Variants in PSMD9 observed in about 807,000 individuals in gnomAD.
PSMD9 encodes the protein 26S proteasome non-ATPase regulatory subunit 9.
PSMD9 carries 26 observed loss-of-function variants against 25.9 expected under a neutral mutation model. The observed-to-expected ratio is 1.00, with a 90% CI of 0.73 to 1.39. PSMD9 has a LOEUF of 1.39. Ranked by LOEUF, PSMD9 falls within the 40% of genes most tolerant of loss-of-function variation. PSMD9 has a pLI of 0.00. For synonymous variants in PSMD9, 110 were observed against 114.5 expected, an observed-to-expected ratio of 0.96 and a Z score of 0.25; for missense variants, 303 against 299.3, an observed-to-expected ratio of 1.01 and a Z score of -0.09.
intron 3 of PSMD9, among the ~76,000 whole-genome samples, chr12:121,901,894 G>C (rs1324280762): frequency 2.0e-5 from 3 of 149,364 alleles, no homozygotes; most frequent in Non-Finnish European, 3.0e-5. Flanking sequence ...TGTTAGCCAG[G>C]GTGGTCTCGA....
intron 3 of PSMD9, chr12:121,902,648 A>G (rs1879434668): frequency 4.6e-6 from 1 of 218,898 alleles, no homozygotes; most frequent in South Asian, 6.6e-5. Flanking sequence ...AAATGGGCCC[A>G]GCCTGGCTTG....
At chr12:121,890,438 C>G (rs1879034447) in intron 1 of PSMD9, among the ~76,000 whole-genome samples, 1 of 152,008 alleles carries the variant, frequency 6.6e-6, no homozygotes, top group African/African-American at 2.4e-5. Flanking sequence ...TTAAATAGAT[C>G]TACTTTTAAT....
chr12:121,903,078 A>G lies in PSMD9; in HGVS notation c.526A>G (p.Ile176Val). The change falls in exon 4 of 6, where the codon ATT becomes GTT. Residue 176 changes from isoleucine to valine, a missense_variant. Coordinates refer to ENST00000541212, the MANE Select transcript of PSMD9 (RefSeq NM_002813.7). ...NTQNFQSLHN[I>V]GSVVQHSEGK... ...CCAGAACTTCCAGTCACTGCATAAC[A>G]TTGGCAGTGTGGTGCAGCACAGTGA... The G allele has an allele frequency of 1.2e-6, 2 of 1,613,888 alleles. No individual in the cohort carries two copies. Among genetic ancestry groups the G allele is most frequent in the Non-Finnish European group, 1.7e-6 (2 of 1,179,902 alleles).
Position 121,899,679 on chromosome 12 carries a change from C to A in PSMD9, c.287C>A (p.Ala96Asp). Residue 96 changes from alanine to aspartate, a missense_variant, in exon 3 of 6, where the codon GCC becomes GAC. By Grantham distance (126) the Ala-to-Asp change is moderately radical. Transcript: ENST00000541212. ...HKAVMKQVEEALHQLHARDKE... is the reference protein window; with the variant it reads ...HKAVMKQVEEDLHQLHARDKE... ...GCAGTGATGAAGCAGGTGGAGGAGG[C>A]CCTGCACCAGCTGCACGCTCGCGAC... 6.2e-7 allele frequency: 1 copy of A among 1,613,232 alleles called. No homozygotes were observed. Among genetic ancestry groups the A allele is most frequent in the South Asian group, 1.1e-5 (1 of 90,918 alleles).
chr12:121,896,963 A>G (rs1038445041), intron 2 of PSMD9, among the ~76,000 whole-genome samples: 1 of 151,108 alleles, frequency 6.6e-6, no homozygotes, highest in Non-Finnish European at 1.5e-5. Flanking sequence ...ATCTACACAT[A>G]CATGTAAATA....
chr12:121,899,851 C>G lies in PSMD9; in HGVS notation c.453+6C>G. ...GCTCCCCAGCCAGCATCGCGGTAATCCAGGGGTTGGCCACTCAAGTCCATG... is the reference window on the plus strand; with the variant it reads ...GCTCCCCAGCCAGCATCGCGGTAATGCAGGGGTTGGCCACTCAAGTCCATG... On this transcript the variant is annotated splice_donor_region_variant and intron_variant, in intron 3 of 5. Transcript: ENST00000541212. 1 of 1,613,854 alleles carries G rather than the reference C, an allele frequency of 6.2e-7. No individual in the cohort carries two copies. The highest frequency in any genetic ancestry group is 1.3e-5 in the African/African-American group (1 of 75,036).
intron 4 of PSMD9, among the ~76,000 whole-genome samples, chr12:121,903,374 C>A (rs1287610922): frequency 2.0e-5 from 3 of 152,136 alleles, no homozygotes; most frequent in Non-Finnish European, 4.4e-5. Flanking sequence ...GGGGGCGCCA[C>A]CCCTCATGAC....
chr12:121,910,238 A>T (rs1879680611), intron 4 of PSMD9, among the ~76,000 whole-genome samples: 2 of 151,558 alleles, frequency 1.3e-5, no homozygotes. Context: ...GGTGCCTGCC[A>T]CCATGCCCAG....
rs1276931508 is a variant in PSMD9 at position 121,917,925 on chromosome 12, G to A, written c.*1614G>A. On this transcript the variant is annotated 3_prime_UTR_variant, in exon 6 of 6. Coordinates refer to ENST00000541212, the MANE Select transcript of PSMD9 (RefSeq NM_002813.7). ...AATCAATTTACCATCACTGGGGCAT[G>A]GCAGTGTGGGCGGGGAGAATTATTC... The A allele has an allele frequency of 1.3e-5, 2 of 152,314 alleles. No homozygotes were observed. The highest frequency in any genetic ancestry group is 2.9e-5 in the Non-Finnish European group (2 of 68,024). 9.4% of individuals were successfully genotyped at this position (152,314 alleles called of 1,614,324 possible).
In PSMD9 at chr12:121,888,899, G is replaced by A. The variant is rs201195366; in HGVS notation, c.43G>A (p.Ala15Thr). The A allele has an allele frequency of 1.3e-5, 21 of 1,600,664 alleles. No homozygotes were observed. The East Asian group carries it at 4.5e-4, about 34-fold the overall frequency. The change falls in exon 1 of 6, where the codon GCC (alanine) becomes ACC (threonine). Residue 15 changes from alanine (A) to threonine (T), a missense_variant. Ala to Thr is a moderately conservative substitution (Grantham distance 58, BLOSUM62 0). Coordinates refer to ENST00000541212, the MANE Select transcript of PSMD9 (RefSeq NM_002813.7). Reference sequence around the variant, plus strand: ...GAGGCAGAGCGGAGGCTCCTCGCAGGCCGGCGTCGTGACTGTCAGCGACGT... The same window carrying A: ...GAGGCAGAGCGGAGGCTCCTCGCAGACCGGCGTCGTGACTGTCAGCGACGT... ...EARQSGGSSQ[A>T]GVVTVSDVQE...
At chr12:121,894,035 A>G (rs775735746) in intron 1 of PSMD9, 2 of 152,114 alleles carry the variant, frequency 1.3e-5, no homozygotes, top group Non-Finnish European at 1.5e-5. Context: ...CAGCTTGTAC[A>G]TGGCAGAGTT....
At chr12:121,906,816 C>CAAA (rs577687349) in intron 4 of PSMD9, among the ~76,000 whole-genome samples, 1 of 134,760 alleles carries the variant, frequency 7.4e-6, no homozygotes, top group African/African-American at 2.7e-5. Context: ...TCTCCCATCT[C>CAAA]AAAAAAAAAA....
chr12:121,889,385 A>G (rs1405201150), intron 1 of PSMD9, among the ~76,000 whole-genome samples: 2 of 152,094 alleles, frequency 1.3e-5, no homozygotes, highest in Non-Finnish European at 2.9e-5. Flanking sequence ...CCTTATCTTA[A>G]TTTTGTACTT....
Position 121,915,883 on chromosome 12 carries a change from A to AG in PSMD9, c.589dup (p.Glu197GlyfsTer6), listed in dbSNP as rs765798193. 1.9e-5 allele frequency: 31 copies of AG among 1,613,614 alleles called. No homozygotes were observed. In the East Asian group the frequency reaches 2.2e-4, roughly 12 times the overall value. Reference sequence around the variant, plus strand: ...GCCCCTGAATGTGACAGTGATCCGCAGGGGGGAAAAACACCAGCTTAGACT... The same window carrying AG: ...GCCCCTGAATGTGACAGTGATCCGCAGGGGGGGAAAAACACCAGCTTAGACT... On this transcript the variant is annotated frameshift_variant, in exon 5 of 6. Transcript: ENST00000541212. LOFTEE classifies it high-confidence loss of function.
rs529381404 is a variant in PSMD9 at position 121,901,555 on chromosome 12, A to G, written c.454-1451A>G. ...TTTTTTTTAGAGATGGGTTCTCACT[A>G]TGTTGCCCAGGCTGGTCTTGAACTC... On this transcript the variant is annotated intron_variant, in intron 3 of 5. Transcript: ENST00000541212. 1.7e-4 allele frequency among the ~76,000 whole-genome samples: 25 copies of G among 148,162 alleles called. No homozygotes were observed. The East Asian group carries it at 3.1e-3, about 18-fold the overall frequency.
intron 1 of PSMD9, chr12:121,894,353 C>G (rs1435377460): frequency 5.5e-6 from 1 of 183,126 alleles, no homozygotes; most frequent in African/African-American, 2.4e-5. Context: ...TGGGTGCTGT[C>G]TGGGCTTTTC....
At chr12:121,903,566 A>G (rs998100769) in intron 4 of PSMD9, among the ~76,000 whole-genome samples, 1 of 152,030 alleles carries the variant, frequency 6.6e-6, no homozygotes, top group African/African-American at 2.4e-5. Context: ...GTTGCTCAGC[A>G]CAGCCCCATT....
At chr12:121,914,948 T>C (rs1879851564) in intron 4 of PSMD9, 1 of 152,216 alleles carries the variant, frequency 6.6e-6, no homozygotes, top group Non-Finnish European at 1.5e-5. Context: ...ACTAGTCCTC[T>C]CTGGAAGTAA....
At chr12:121,898,567 A>G (rs1020935746) in intron 2 of PSMD9, 1 of 150,276 alleles carries the variant, frequency 6.7e-6, no homozygotes, top group Non-Finnish European at 1.5e-5. Context: ...TTTGAGACGA[A>G]TTCTTGCTTT....
Sources: gnomAD v4.1 joint callset for allele counts (sites outside exome capture counted in the v4.1 genomes callset) on GRCh38, gnomAD v4.1.1 for gene constraint, MANE v1.5 for transcripts, NCBI Gene and HGNC (gene_info 2026-07-23, HGNC 2026-07-21) for gene names.